Variants in EYA2 observed in about 807,000 individuals in gnomAD.
EYA2 encodes the protein EYA transcriptional coactivator and phosphatase 2, also known as protein phosphatase EYA2.
EYA2 carries 31 observed loss-of-function variants against 69.2 expected under a neutral mutation model. The ratio of observed to expected loss-of-function variants is 0.45; its 90% CI spans 0.34 to 0.60. The LOEUF (loss-of-function observed/expected upper bound fraction) is 0.60, where lower values mean the gene tolerates loss of function less well. Ranked by LOEUF, EYA2 falls within the 20% of genes least tolerant of loss-of-function variation. The pLI, the probability that EYA2 is intolerant of heterozygous loss-of-function variation, is 0.02. For missense variants in EYA2, 622 were observed against 701.2 expected (o/e 0.89, Z 1.28); for synonymous variants, 257 against 279.4 (o/e 0.92, Z 0.80).
chr20:46,984,074 G>A (rs1044664357), intron 1 of EYA2, among the ~76,000 whole-genome samples: 1 of 152,032 alleles, frequency 6.6e-6, no homozygotes, highest in Non-Finnish European at 1.5e-5. Context: ...CTTCAATATG[G>A]AGAAAAATTA....
chr20:46,898,284 GT>G (rs1178804653), intron 1 of EYA2, among the ~76,000 whole-genome samples: 1 of 112,052 alleles, frequency 8.9e-6, no homozygotes, highest in Admixed American at 9.3e-5. Context: ...TTTTGTTTTT[GT>G]TTTTTTTAGC....
chr20:47,136,622 A>C (rs776091426), intron 9 of EYA2, among the ~76,000 whole-genome samples: 35 of 152,094 alleles, frequency 2.3e-4, no homozygotes, highest in South Asian at 6.2e-4. Context: ...ACACGTCTCT[A>C]GTCCTAGCTA....
At chr20:47,089,209 AT>A in intron 7 of EYA2, 29 bp from the exon 8 acceptor site, 1 of 1,610,452 alleles carries the variant, frequency 6.2e-7, no homozygotes, top group South Asian at 1.1e-5. Context: ...AAAGCTTCTG[AT>A]TTGTCCACCA....
At chr20:47,043,065 G>A (rs879233446) in intron 5 of EYA2, among the ~76,000 whole-genome samples, 2 of 152,170 alleles carry the variant, frequency 1.3e-5, no homozygotes, top group Non-Finnish European at 2.9e-5. Flanking sequence ...CGAGAGGGAG[G>A]AAGGGGAGGA....
rs148851454 is a variant in EYA2 at position 46,966,508 on chromosome 20, A to G, written c.-10-23493A>G. 1.6e-3 allele frequency among the ~76,000 whole-genome samples: 243 copies of G among 152,304 alleles called. 1 individual carries two copies. Among genetic ancestry groups the G allele is most frequent in the African/African-American group, 5.7e-3 (236 of 41,572 alleles). ...CAAATTTTCTAGTAGCCTTGTTAAA[A>G]AAAATATGTAAAACAGCAGGCCTGG... is the stretch of plus-strand genomic sequence containing the variant. On this transcript the variant is annotated intron_variant, in intron 1 of 15. Transcript: ENST00000327619.
At chr20:47,106,337 T>C (rs955872873) in intron 9 of EYA2, among the ~76,000 whole-genome samples, 3 of 152,160 alleles carry the variant, frequency 2.0e-5, no homozygotes, top group African/African-American at 7.2e-5. Context: ...ATTACATGAC[T>C]GTAATCAAGG....
At chr20:47,024,435 G>A (rs1267412012) in intron 5 of EYA2, among the ~76,000 whole-genome samples, 1 of 152,204 alleles carries the variant, frequency 6.6e-6, no homozygotes, top group Admixed American at 6.5e-5. Flanking sequence ...TCCATTATGA[G>A]CTCTGAAGCT....
At chr20:47,161,420 G>C in intron 10 of EYA2, 2 of 420,930 alleles carry the variant, frequency 4.8e-6, no homozygotes, top group Non-Finnish European at 9.0e-6. Flanking sequence ...CCTCATCCTT[G>C]AGAGAAGCCC....
chr20:47,096,947 C>T, intron 8 of EYA2, 138 bp from the exon 9 acceptor site: 1 of 672,332 alleles, frequency 1.5e-6, no homozygotes, highest in Non-Finnish European at 2.6e-6. Flanking sequence ...CATGACACAT[C>T]AGTGAGTTAC....
At chr20:47,183,049 G>A (rs930666958) in intron 14 of EYA2, among the ~76,000 whole-genome samples, 25 of 152,174 alleles carry the variant, frequency 1.6e-4, no homozygotes, top group East Asian at 3.8e-4. Flanking sequence ...TAACCCCTGC[G>A]CTGCCTCCTC....
At chr20:47,121,214 G>C (rs1177044645) in intron 9 of EYA2, among the ~76,000 whole-genome samples, 1 of 152,004 alleles carries the variant, frequency 6.6e-6, no homozygotes, top group African/African-American at 2.4e-5. Flanking sequence ...GCCTCAGCCT[G>C]CGGAGTAGCT....
chr20:47,047,386 C>T (rs1045888783), intron 5 of EYA2, among the ~76,000 whole-genome samples: 2 of 135,954 alleles, frequency 1.5e-5, no homozygotes, highest in Middle Eastern at 8.5e-3. Context: ...TATTTTTTGT[C>T]TCTCTCTCTC....
chr20:47,028,014 T>G (rs2146392116), intron 5 of EYA2, among the ~76,000 whole-genome samples: 1 of 152,192 alleles, frequency 6.6e-6, no homozygotes, highest in East Asian at 1.9e-4. Flanking sequence ...GATGAGGCCT[T>G]TGGGAGGTGT....
At chr20:46,976,606 C>T (rs1287334628) in intron 1 of EYA2, among the ~76,000 whole-genome samples, 1 of 152,190 alleles carries the variant, frequency 6.6e-6, no homozygotes, top group East Asian at 1.9e-4. Flanking sequence ...AGGATGGTCT[C>T]GATCTCATGA....
chr20:47,039,458 T>C (rs1321644550), intron 5 of EYA2, among the ~76,000 whole-genome samples: 1 of 152,190 alleles, frequency 6.6e-6, no homozygotes, highest in East Asian at 1.9e-4. Flanking sequence ...CCAGAGACCA[T>C]GTGGCCAAAG....
At chr20:47,171,772 T>C (rs2034326453) in intron 11 of EYA2, among the ~76,000 whole-genome samples, 1 of 151,992 alleles carries the variant, frequency 6.6e-6, no homozygotes, top group South Asian at 2.1e-4. Context: ...AGCATCTGAG[T>C]TAATGGTGAG....
intron 5 of EYA2, among the ~76,000 whole-genome samples, chr20:47,047,394 C>T (rs1325474422): frequency 6.2e-5 from 8 of 129,162 alleles, no homozygotes; most frequent in African/African-American, 1.2e-4. Flanking sequence ...GTCTCTCTCT[C>T]TCTTTTTTTT....
intron 5 of EYA2, among the ~76,000 whole-genome samples, chr20:47,050,912 G>A (rs1395919734): frequency 6.6e-6 from 1 of 152,254 alleles, no homozygotes; most frequent in Non-Finnish European, 1.5e-5. Flanking sequence ...TTGCCCCGCT[G>A]GGACAGACAG....
At chr20:46,995,947 C>T (rs1446857151) in intron 2 of EYA2, among the ~76,000 whole-genome samples, 1 of 152,174 alleles carries the variant, frequency 6.6e-6, no homozygotes, top group African/African-American at 2.4e-5. Context: ...AAAACTGAGA[C>T]TCAGAGGGAA....
Sources: allele counts gnomAD v4.1 joint callset (sites outside exome capture counted in the v4.1 genomes callset), GRCh38; gene constraint gnomAD v4.1.1; transcripts MANE v1.5; gene names NCBI Gene and HGNC (gene_info 2026-07-23, HGNC 2026-07-21).